The following EMC2 variants were observed in gnomAD, a reference collection of about 807,000 sequenced individuals.
EMC2 encodes TPR repeat protein 35.
EMC2 carries 37 observed loss-of-function variants against 51.6 expected under a neutral mutation model. That is an observed-to-expected ratio of 0.72 (90% CI 0.55 to 0.94). EMC2 has a LOEUF of 0.94. EMC2 is among the 40% of genes least tolerant of loss of function. EMC2 has a pLI of 0.00. For missense variants in EMC2, 359 were observed against 350.9 expected, an observed-to-expected ratio of 1.02 and a Z score of -0.18; for synonymous variants, 131 against 112.4, an observed-to-expected ratio of 1.17 and a Z score of -1.04.
intron 9 of EMC2, 25 bp from the exon 10 acceptor site, chr8:108,478,980 CT>C: frequency 7.0e-7 from 1 of 1,422,760 alleles, no homozygotes. Context: ...AGGAATTTTG[CT>C]TTTGATGTTT....
chr8:108,449,772 A>G (rs770941689), intron 1 of EMC2, 51 bp from the exon 2 acceptor site: 19 of 786,450 alleles, frequency 2.4e-5, no homozygotes, highest in Non-Finnish European at 3.9e-5. Flanking sequence ...TCGGATGTGT[A>G]TGTGTGTGTC....
At chr8:108,482,375 T>C (rs1811058460) in intron 10 of EMC2, among the ~76,000 whole-genome samples, 1 of 151,972 alleles carries the variant, frequency 6.6e-6, no homozygotes, top group Admixed American at 6.6e-5. Context: ...ACTTCTTACT[T>C]TTTTGCTCAT....
At chr8:108,485,449 A>G (rs1019481465) in intron 10 of EMC2, among the ~76,000 whole-genome samples, 1 of 137,992 alleles carries the variant, frequency 7.2e-6, no homozygotes, top group African/African-American at 2.6e-5. Flanking sequence ...TAATTAATAT[A>G]TATACATATA....
intron 5 of EMC2, among the ~76,000 whole-genome samples, chr8:108,458,150 G>T (rs992710062): frequency 1.3e-5 from 2 of 152,256 alleles, no homozygotes; most frequent in Non-Finnish European, 2.9e-5. Context: ...GATGCAGGAG[G>T]TGGATTCCTA....
At position 108,443,681 on chromosome 8, in the gene EMC2, A is replaced by C. The variant is rs909942549; in HGVS notation, c.23A>C (p.Tyr8Ser). 7.5e-6 allele frequency: 12 copies of C among 1,610,088 alleles called. No individual in the cohort carries two copies. Among genetic ancestry groups the C allele is most frequent in the African/African-American group, 1.3e-5 (1 of 74,836 alleles). MAKVSEL[Y>S]DVTWEEMRDK... is the part of the protein sequence containing the mutation. Reference sequence around the variant, plus strand: ...AAGATGGCGAAGGTCTCAGAGCTTTACGATGTCACTTGGGAAGGTAACTTC... The same window carrying C: ...AAGATGGCGAAGGTCTCAGAGCTTTCCGATGTCACTTGGGAAGGTAACTTC... The change falls in exon 1 of 11, where the codon TAC becomes TCC. Residue 8 changes from tyrosine to serine, a missense_variant. Transcript: ENST00000220853.
chr8:108,461,576 A>G (rs1819319244), intron 5 of EMC2, among the ~76,000 whole-genome samples: 1 of 152,230 alleles, frequency 6.6e-6, no homozygotes, highest in Non-Finnish European at 1.5e-5. Context: ...TTATTAAAGT[A>G]CAAGCATTAT....
At chr8:108,452,553 C>T (rs1350532805) in intron 3 of EMC2, among the ~76,000 whole-genome samples, 1 of 151,742 alleles carries the variant, frequency 6.6e-6, no homozygotes, top group Non-Finnish European at 1.5e-5. Context: ...GGTAACAGAG[C>T]AAGACTCCAT....
intron 10 of EMC2, among the ~76,000 whole-genome samples, chr8:108,481,437 G>A (rs1459220722): frequency 6.6e-6 from 1 of 151,858 alleles, no homozygotes; most frequent in East Asian, 1.9e-4. Context: ...AGGCTTGGGG[G>A]TGTGTGGGTG....
intron 10 of EMC2, among the ~76,000 whole-genome samples, chr8:108,479,375 T>A (rs550745695): frequency 6.6e-6 from 1 of 152,272 alleles, no homozygotes; most frequent in East Asian, 1.9e-4. Context: ...GCAAAGTAAT[T>A]CTAAAAACTC....
chr8:108,450,914 ATGTTTGGCCAGGCAAGGTGGCTCACACC>A (rs1364284484), intron 3 of EMC2, among the ~76,000 whole-genome samples: 2 of 152,148 alleles, frequency 1.3e-5, no homozygotes, highest in Non-Finnish European at 2.9e-5. Flanking sequence ...AATACTAATA[ATGTTTGGCCAGGCAAGGTGGCTCACACC>A]TGTAATCCCA....
intron 10 of EMC2, among the ~76,000 whole-genome samples, chr8:108,483,407 A>C (rs974566802): frequency 1.3e-5 from 2 of 152,150 alleles, no homozygotes; most frequent in Non-Finnish European, 2.9e-5. Flanking sequence ...CCCCACTGGG[A>C]GACAGACAAG....
rs780245149 is a variant in EMC2, at chr8:108,488,861, G to T, written c.*2263G>T. Among the ~76,000 whole-genome samples, 10 of 152,174 alleles carry T rather than the reference G, an allele frequency of 6.6e-5. No individual in the cohort carries two copies. The highest frequency in any genetic ancestry group is 7.3e-5 in the Non-Finnish European group (5 of 68,036). On this transcript the variant is annotated 3_prime_UTR_variant, in exon 11 of 11. Coordinates refer to ENST00000220853, the MANE Select transcript of EMC2 (RefSeq NM_014673.5). ...ATGTGATATTGAGTACTTGATATGT[G>T]ACTACTGCAATTGAGAAATTGAATG...
At chr8:108,452,717 C>A (rs938660596) in intron 3 of EMC2, among the ~76,000 whole-genome samples, 3 of 152,142 alleles carry the variant, frequency 2.0e-5, no homozygotes, top group African/African-American at 7.2e-5. Flanking sequence ...AGGAAGAAAA[C>A]GCCAGGCGCT....
intron 8 of EMC2, among the ~76,000 whole-genome samples, chr8:108,476,363 T>C (rs1297511471): frequency 1.1e-4 from 16 of 151,830 alleles, no homozygotes; most frequent in Non-Finnish European, 2.2e-4. Flanking sequence ...GCAGTACAAC[T>C]GAATGCTATA....
chr8:108,458,800 C>T (rs1819232190), intron 5 of EMC2, among the ~76,000 whole-genome samples: 1 of 152,196 alleles, frequency 6.6e-6, no homozygotes, highest in Non-Finnish European at 1.5e-5. Flanking sequence ...ACATTCAGCT[C>T]CTTGTTACTT....
At chr8:108,471,224 G>T (rs922824148) in intron 7 of EMC2, among the ~76,000 whole-genome samples, 18 of 151,852 alleles carry the variant, frequency 1.2e-4, no homozygotes, top group Non-Finnish European at 7.4e-5. Flanking sequence ...TCTTACACAT[G>T]TGAAACAGTA....
intron 7 of EMC2, among the ~76,000 whole-genome samples, chr8:108,472,500 C>T (rs1012930152): frequency 1.3e-5 from 2 of 150,826 alleles, no homozygotes; most frequent in Middle Eastern, 3.4e-3. Flanking sequence ...TCACAAAACT[C>T]TTTTTGGTCT....
intron 10 of EMC2, among the ~76,000 whole-genome samples, chr8:108,485,191 C>G (rs1241694702): frequency 1.3e-5 from 2 of 151,558 alleles, no homozygotes. Context: ...CTTAATCTTT[C>G]TGAACAGGTC....
intron 7 of EMC2, among the ~76,000 whole-genome samples, chr8:108,470,646 G>C (rs1365664946): frequency 6.6e-6 from 1 of 152,070 alleles, no homozygotes; most frequent in Non-Finnish European, 1.5e-5. Context: ...TTGCTTATTG[G>C]ATGTTTAATG....
Sources: allele counts gnomAD v4.1 joint callset (sites outside exome capture counted in the v4.1 genomes callset), GRCh38; gene constraint gnomAD v4.1.1; transcripts MANE v1.5; gene names NCBI Gene and HGNC (gene_info 2026-07-23, HGNC 2026-07-21).